Variants in APOL4 observed in about 807,000 individuals in gnomAD.
APOL4 encodes apolipoprotein L4.
A neutral mutation model predicts 12.1 loss-of-function variants in APOL4; 14 were observed. The observed-to-expected ratio is 1.16, with a 90% confidence interval of 0.76 to 1.81. APOL4 has a LOEUF of 1.81. APOL4 is among the 40% of genes most tolerant of loss of function. The pLI is 0.00. For missense variants in APOL4, 432 were observed against 423.1 expected, an observed-to-expected ratio of 1.02 and a Z score of -0.18; for synonymous variants, 171 against 160.6, an observed-to-expected ratio of 1.06 and a Z score of -0.49.
In APOL4 at chr22:36,190,746, A is replaced by G. The variant is rs2014219814; in HGVS notation, c.*329T>C. ...AGGTGCCCAGATTTCATATTGTTCA[A>G]ACACACATGCTCTACAATTTGTGCA... On this transcript the variant is annotated 3_prime_UTR_variant, in exon 4 of 4. Transcript: ENST00000683024. 3.8e-6 allele frequency: 1 copy of G among 262,206 alleles called. No individual in the cohort carries two copies. The highest frequency in any genetic ancestry group is 2.2e-5 in the African/African-American group (1 of 45,530). The allele number at this position is 262,206 out of a possible 1,614,324, so 16.2% of individuals were successfully genotyped here.
chr22:36,192,879 C>A (rs2014302746), intron 3 of APOL4, among the ~76,000 whole-genome samples: 1 of 152,196 alleles, frequency 6.6e-6, no homozygotes, highest in Non-Finnish European at 1.5e-5. Flanking sequence ...GCTTGTGATC[C>A]AGCCCCAGGA....
chr22:36,201,840 C>T (rs749859671), upstream of APOL4: 12 of 1,571,904 alleles, frequency 7.6e-6, no homozygotes, highest in Non-Finnish European at 6.9e-6. Context: ...AGTGCGTCCC[C>T]TCTAGGCGAG....
At chr22:36,202,622 A>T (rs919892851), upstream of APOL4, among the ~76,000 whole-genome samples, 4 of 151,930 alleles carry the variant, frequency 2.6e-5, no homozygotes, top group African/African-American at 9.7e-5. Context: ...GCTACTCGGG[A>T]GGCTGAGGCA....
chr22:36,204,695 C>A, upstream of APOL4: 1 of 499,988 alleles, frequency 2.0e-6, no homozygotes. Flanking sequence ...ATCTCACCTC[C>A]AGCTGTGCAC....
intron 3 of APOL4, among the ~76,000 whole-genome samples, chr22:36,192,362 T>G (rs545694482): frequency 9.4e-4 from 143 of 152,154 alleles, no homozygotes; most frequent in African/African-American, 3.2e-3. Flanking sequence ...TAATAATAAT[T>G]CTACTCAAGG....
At chr22:36,196,359 T>A (rs1328669824) in intron 2 of APOL4, among the ~76,000 whole-genome samples, 1 of 152,172 alleles carries the variant, frequency 6.6e-6, no homozygotes, top group Non-Finnish European at 1.5e-5. Flanking sequence ...GGGATCTAGA[T>A]GTGTTTAGGA....
intron 1 of APOL4, chr22:36,199,602 G>T: frequency 2.6e-6 from 4 of 1,554,584 alleles, no homozygotes; most frequent in Non-Finnish European, 2.6e-6. Context: ...GGAAAAGTCC[G>T]CTTGTCCTGT....
At chr22:36,195,643 T>C (rs1432776281) in intron 2 of APOL4, among the ~76,000 whole-genome samples, 1 of 152,008 alleles carries the variant, frequency 6.6e-6, no homozygotes, top group African/African-American at 2.4e-5. Flanking sequence ...ATTTGGAGAT[T>C]GAGCCTTTAA....
intron 3 of APOL4, among the ~76,000 whole-genome samples, chr22:36,192,653 C>T (rs1162899324): frequency 1.3e-5 from 2 of 152,174 alleles, no homozygotes; most frequent in Non-Finnish European, 2.9e-5. Flanking sequence ...CCTTTGTCCT[C>T]GGCCCCTGGA....
intron 2 of APOL4, chr22:36,197,543 C>T (rs1009683054): frequency 2.8e-5 from 39 of 1,389,742 alleles, no homozygotes; most frequent in Admixed American, 9.6e-5. Flanking sequence ...GAAACATTCC[C>T]GGGCAAACAA....
rs114082907 is a variant in APOL4 at position 36,201,765 on chromosome 22, C to G, written c.-31G>C. ...TTGGTCATTGTTGGCCTGGCTCAGA[C>G]GCTGATCTGGGGCCTCTGCTGAATG... is the stretch of plus-strand genomic sequence containing the variant. On this transcript the variant is annotated 5_prime_UTR_variant, in exon 1 of 4. Transcript: ENST00000683024. 2.3e-5 allele frequency: 37 copies of G among 1,599,464 alleles called. No homozygotes were observed. The highest frequency in any genetic ancestry group is 1.4e-4 in the South Asian group (12 of 88,368).
chr22:36,194,512 C>T (rs908215248), intron 3 of APOL4, among the ~76,000 whole-genome samples: 9 of 152,216 alleles, frequency 5.9e-5, no homozygotes, highest in Admixed American at 5.9e-4. Flanking sequence ...GGCAATGTCT[C>T]TCTGGGTCTT....
intron 2 of APOL4, 30 bp from the exon 3 acceptor site, chr22:36,195,467 A>C (rs767461376): frequency 2.5e-5 from 40 of 1,607,648 alleles, no homozygotes; most frequent in Non-Finnish European, 3.2e-5. Flanking sequence ...ATAAGATTGG[A>C]AGAAAGTTTG....
At position 36,191,555 on chromosome 22, in the gene APOL4, C is replaced by A; in HGVS notation, c.567G>T (p.Val189=). The A allele has an allele frequency of 6.2e-7, 1 of 1,613,976 alleles. No homozygotes were observed. Among genetic ancestry groups the A allele is most frequent in the Non-Finnish European group, 8.5e-7 (1 of 1,179,858 alleles). ...CTGCTGACCTTGTGTATGTGTTCTC[C>A]ACGATGCTGGAGGCGATCCCAGCCG... is the stretch of plus-strand genomic sequence containing the variant. ...SATAGIASSI[V]ENTYTRSAEL... Residue 189 remains valine, a synonymous_variant, in exon 4 of 4, where the codon GTG becomes GTT. Coordinates refer to ENST00000683024, the MANE Select transcript of APOL4 (RefSeq NM_001386885.1).
chr22:36,199,565 C>A, intron 1 of APOL4, 189 bp from the exon 2 acceptor site: 1 of 1,567,754 alleles, frequency 6.4e-7, no homozygotes, highest in Non-Finnish European at 8.7e-7. Context: ...CTCATTCCAG[C>A]TCCCTCTTCC....
At chr22:36,202,903 C>G (rs953117533), upstream of APOL4, among the ~76,000 whole-genome samples, 1 of 151,996 alleles carries the variant, frequency 6.6e-6, no homozygotes, top group African/African-American at 2.4e-5. Context: ...GGAGAGCAGA[C>G]GGGAAGCCAA....
intron 2 of APOL4, 85 bp downstream of exon 2, chr22:36,199,245 A>G (rs542039276): frequency 8.3e-6 from 13 of 1,570,024 alleles, no homozygotes; most frequent in Non-Finnish European, 1.1e-5. Flanking sequence ...CCTTGAAGAC[A>G]CCACCCTCCA....
chr22:36,193,191 C>A (rs574090298), intron 3 of APOL4, among the ~76,000 whole-genome samples: 1 of 152,168 alleles, frequency 6.6e-6, no homozygotes, highest in African/African-American at 2.4e-5. Context: ...CAGGAACCCC[C>A]CACTCTGGTG....
upstream of APOL4, among the ~76,000 whole-genome samples, chr22:36,204,119 C>T (rs1296106061): frequency 6.6e-6 from 1 of 152,154 alleles, no homozygotes; most frequent in Non-Finnish European, 1.5e-5. Context: ...AGTAGGTGCT[C>T]AGACTCAGGG....
Sources: allele counts gnomAD v4.1 joint callset (sites outside exome capture counted in the v4.1 genomes callset), GRCh38; gene constraint gnomAD v4.1.1; transcripts MANE v1.5; gene names NCBI Gene and HGNC (gene_info 2026-07-23, HGNC 2026-07-21).